ZNF462: variants seen among roughly 807,000 people sequenced by gnomAD.
The protein encoded by ZNF462 is zinc finger PBX1-interacting protein.
ZNF462 carries 10 observed loss-of-function variants against 201.9 expected under a neutral mutation model. The observed-to-expected ratio is 0.05, with a 90% CI of 0.03 to 0.08. The LOEUF is 0.08. ZNF462 is among the 10% of genes least tolerant of loss of function. The probability of loss-of-function intolerance (pLI) is 1.00; values close to 1 mark genes in which losing one functional copy is unlikely to be tolerated. For synonymous variants in ZNF462, 1,227 were observed against 1,193.3 expected (o/e 1.03, Z -0.58); for missense variants, 2,523 against 3,168.3 (o/e 0.80, Z 4.89).
In ZNF462 at chr9:106,935,915, T is replaced by C. The variant is rs956967817; in HGVS notation, c.6235+294T>C. On this transcript the variant is annotated intron_variant, in intron 6 of 12. Coordinates refer to ENST00000277225, the MANE Select transcript of ZNF462 (RefSeq NM_021224.6). The surrounding 1 kb of genome is among the most constrained non-coding windows in gnomAD (Gnocchi z 4.1). ...ACTGTTGGTGATTTTTACAGAAATTTCTAAACTGCCTATACTTTCTAATTC... is the reference window on the plus strand; with the variant it reads ...ACTGTTGGTGATTTTTACAGAAATTCCTAAACTGCCTATACTTTCTAATTC... Among the ~76,000 whole-genome samples, 9 of 152,214 alleles carry C rather than the reference T, an allele frequency of 5.9e-5. No individual in the cohort carries two copies. Among genetic ancestry groups the C allele is most frequent in the Admixed American group, 1.3e-4 (2 of 15,288 alleles).
intron 6 of ZNF462, among the ~76,000 whole-genome samples, chr9:106,937,604 C>T (rs934699419): frequency 6.6e-6 from 1 of 152,144 alleles, no homozygotes; most frequent in Admixed American, 6.5e-5. Context: ...CATTCATAAT[C>T]TTGTTATCTA....
chr9:106,973,948 A>G (rs761867488), intron 8 of ZNF462, among the ~76,000 whole-genome samples, 189 bp from the exon 9 acceptor site: 34 of 151,896 alleles, frequency 2.2e-4, no homozygotes, highest in Non-Finnish European at 4.1e-4. Context: ...CTACCATTTG[A>G]CAGTGTTCAG....
chr9:106,935,767 A>G lies in ZNF462; in HGVS notation c.6235+146A>G. 1 of 582,122 alleles carries G rather than the reference A, an allele frequency of 1.7e-6. No homozygotes were observed. Among genetic ancestry groups the G allele is most frequent in the Non-Finnish European group, 2.8e-6 (1 of 360,002 alleles). The allele number at this position is 582,122 out of a possible 1,614,324, so 36.1% of individuals were successfully genotyped here. A position where few individuals can be genotyped will look rare whatever the true frequency, so the allele number is the denominator to read the frequency against. On this transcript the variant is annotated intron_variant, in intron 6 of 12. Transcript: ENST00000277225. The surrounding 1 kb of genome is among the most constrained non-coding windows in gnomAD (Gnocchi z 4.1). ...TGTATATTCAGTTTTATTTTTACCT[A>G]GTAAAGAAAAAATAAAGAAAAAAGT...
chr9:106,923,963 G>A lies in ZNF462; in HGVS notation c.221-170G>A, dbSNP rs375430148. Among the ~76,000 whole-genome samples, 55 of 152,298 alleles carry A rather than the reference G, an allele frequency of 3.6e-4. No homozygotes were observed. The South Asian group carries it at 0.011, about 29-fold the overall frequency. On this transcript the variant is annotated intron_variant, in intron 2 of 12. Transcript: ENST00000277225. This position sits in a 1 kb window ranked among gnomAD's most constrained non-coding sequence, Gnocchi z 5.6. ...CTTTATCCATGAGAAGGTGCAGTAC[G>A]TATATCTTCATTGATGCTTTGTGAA...
Position 106,978,067 on chromosome 9 carries a change from G to A in ZNF462, c.6832+3794G>A, listed in dbSNP as rs535587024. ...ATCTTCATATGGGCTTTTTCTCTAT[G>A]TGTATCTCTTTGTGCCCTCTTTTCT... On this transcript the variant is annotated intron_variant, in intron 9 of 12. Coordinates refer to ENST00000277225, the MANE Select transcript of ZNF462 (RefSeq NM_021224.6). The surrounding 1 kb of genome is among the most constrained non-coding windows in gnomAD (Gnocchi z 4.1). Among the ~76,000 whole-genome samples, 2 of 151,418 alleles carry A rather than the reference G, an allele frequency of 1.3e-5. No homozygotes were observed. The highest frequency in any genetic ancestry group is 6.6e-5 in the Admixed American group (1 of 15,260).
At chr9:106,893,641 G>T (rs1828686159) in intron 1 of ZNF462, among the ~76,000 whole-genome samples, 1 of 152,196 alleles carries the variant, frequency 6.6e-6, no homozygotes, top group South Asian at 2.1e-4. Flanking sequence ...GATGGAGAGG[G>T]AAAGGGGTAA....
rs79529121 is a variant in ZNF462 at position 106,880,567 on chromosome 9, A to C, written c.-31+17212A>C. ...TGTTTGTTTATGTTAAGTAGCTCTAAATTTCAGTGATCCTGCCTTTCTGGT... is the reference window on the plus strand; with the variant it reads ...TGTTTGTTTATGTTAAGTAGCTCTACATTTCAGTGATCCTGCCTTTCTGGT... On this transcript the variant is annotated intron_variant, in intron 1 of 12. Transcript: ENST00000277225. This position sits in a 1 kb window ranked among gnomAD's most constrained non-coding sequence, Gnocchi z 4.1. Among the ~76,000 whole-genome samples the C allele has an allele frequency of 0.015, 2,234 of 152,302 alleles. 53 individuals are homozygous for C. Among genetic ancestry groups the C allele is most frequent in the African/African-American group, 0.051 (2,128 of 41,548 alleles).
At chr9:106,900,203 CGTGTGTGTGTGTGTGTGTGTGTGTGTGT>C (rs3056258) in intron 1 of ZNF462, among the ~76,000 whole-genome samples, 3 of 134,652 alleles carry the variant, frequency 2.2e-5, no homozygotes, top group Non-Finnish European at 4.8e-5. Flanking sequence ...AGTATTCCAT[CGTGTGTGTGTGTGTGTGTGTGTGTGTGT>C]GTGTGTGTGT....
chr9:106,914,143 A>G lies in ZNF462; in HGVS notation c.-30-9211A>G, dbSNP rs374834106. Among the ~76,000 whole-genome samples the G allele has an allele frequency of 2.5e-3, 377 of 150,184 alleles. 8 individuals carry two copies. The highest frequency in any genetic ancestry group is 8.7e-3 in the African/African-American group (360 of 41,300). On this transcript the variant is annotated intron_variant, in intron 1 of 12. Transcript: ENST00000277225. ...GGCTGCTAAGATCATTTAGAACCAC[A>G]CAATTCTAAAATCTTGGACCTGGGC...
chr9:106,862,423 C>G (rs1173239721), upstream of ZNF462, among the ~76,000 whole-genome samples: 1 of 152,120 alleles, frequency 6.6e-6, no homozygotes, highest in Non-Finnish European at 1.5e-5. This position sits in a 1 kb window ranked among gnomAD's most constrained non-coding sequence, Gnocchi z 4.2. Context: ...CCAGGGCTGC[C>G]GGGCGCCACC....
Position 106,926,213 on chromosome 9 carries a change from G to A in ZNF462, c.2301G>A (p.Glu767=). The change falls in exon 3 of 13, where the codon GAG becomes GAA. Residue 767 remains glutamate (E), a synonymous_variant. Transcript: ENST00000277225. This position sits in a 1 kb window ranked among gnomAD's most constrained non-coding sequence, Gnocchi z 7.9. ...AQQIWVRDTS[E]PQKEPNFRNI... is the part of the protein sequence containing the mutation. Reference sequence around the variant, plus strand: ...AGATATGGGTAAGAGATACCAGTGAGCCCCAGAAAGAGCCCAACTTCAGAA... The same window carrying A: ...AGATATGGGTAAGAGATACCAGTGAACCCCAGAAAGAGCCCAACTTCAGAA... The A allele has an allele frequency of 6.2e-7, 1 of 1,614,188 alleles. No individual in the cohort carries two copies. Among genetic ancestry groups the A allele is most frequent in the Non-Finnish European group, 8.5e-7 (1 of 1,180,026 alleles).
Position 106,938,414 on chromosome 9 carries a change from A to AG in ZNF462, c.6236-500dup, listed in dbSNP as rs1163323021. ...GGGATGAGAATGTGTATAGTTAGCA[A>AG]GGAAGTACAGAATAGAATAGCACAA... On this transcript the variant is annotated intron_variant, in intron 6 of 12. Coordinates refer to ENST00000277225, the MANE Select transcript of ZNF462 (RefSeq NM_021224.6). This position sits in a 1 kb window ranked among gnomAD's most constrained non-coding sequence, Gnocchi z 4.4. Among the ~76,000 whole-genome samples, 1 of 152,230 alleles carries AG rather than the reference A, an allele frequency of 6.6e-6. No individual in the cohort carries two copies. The highest frequency in any genetic ancestry group is 1.5e-5 in the Non-Finnish European group (1 of 68,040).
At chr9:106,922,510 A>T (rs1340058825) in intron 1 of ZNF462, among the ~76,000 whole-genome samples, 5 of 152,218 alleles carry the variant, frequency 3.3e-5, no homozygotes, top group Admixed American at 6.5e-5. Flanking sequence ...GGAAAAAGGT[A>T]AAGTCATGAC....
At chr9:106,864,677 C>T (rs1288339123) in intron 1 of ZNF462, among the ~76,000 whole-genome samples, 3 of 151,388 alleles carry the variant, frequency 2.0e-5, no homozygotes, top group African/African-American at 7.3e-5. Flanking sequence ...TTTTATATTC[C>T]TCCCCAACCA....
rs199737173 is a variant in ZNF462 at position 106,928,739 on chromosome 9, C to T, written c.4827C>T (p.Ser1609=). The stretch of plus-strand genomic sequence containing the variant: ...ATCAGCCTGAATTTGATGTCTTTTC[C>T]CAGTCGCCCCCGAAGCTGCCAGTCC... The part of the protein sequence containing the change: ...YHNQPEFDVF[S]QSPPKLPVPL... The change falls in exon 3 of 13, where the codon TCC becomes TCT. Residue 1609 remains serine, a synonymous_variant. Transcript: ENST00000277225. The surrounding 1 kb of genome is among the most constrained non-coding windows in gnomAD (Gnocchi z 9.3). The T allele has an allele frequency of 4.4e-5, 71 of 1,614,086 alleles. No individual in the cohort carries two copies. In the African/African-American group the frequency reaches 4.9e-4, roughly 11 times the overall value.
chr9:106,905,679 G>A lies in ZNF462; in HGVS notation c.-30-17675G>A, dbSNP rs370413758. Among the ~76,000 whole-genome samples the A allele has an allele frequency of 1.3e-4, 20 of 152,154 alleles. No individual in the cohort carries two copies. Among genetic ancestry groups the A allele is most frequent in the African/African-American group, 3.9e-4 (16 of 41,506 alleles). ...GGATTATGGCTGCCTCTGCTGAGTC[G>A]TACAGGTTGTCAGGGAAGTGGGGGA... On this transcript the variant is annotated intron_variant, in intron 1 of 12. Transcript: ENST00000277225. The surrounding 1 kb of genome is among the most constrained non-coding windows in gnomAD (Gnocchi z 5.9).
At chr9:106,947,617 C>G (rs1329493796) in intron 7 of ZNF462, among the ~76,000 whole-genome samples, 1 of 152,162 alleles carries the variant, frequency 6.6e-6, no homozygotes, top group Non-Finnish European at 1.5e-5. Context: ...AATATGTCAT[C>G]TGCTTTAATA....
At chr9:106,894,512 A>G (rs1828728223) in intron 1 of ZNF462, among the ~76,000 whole-genome samples, 1 of 152,260 alleles carries the variant, frequency 6.6e-6, no homozygotes, top group South Asian at 2.1e-4. Flanking sequence ...TGTAAGCATG[A>G]CAACAGATGT....
intron 1 of ZNF462, among the ~76,000 whole-genome samples, chr9:106,909,521 TGAA>T (rs1487050005): frequency 6.6e-6 from 1 of 152,206 alleles, no homozygotes; most frequent in African/African-American, 2.4e-5. Flanking sequence ...GGTTGTATTT[TGAA>T]GAAAAGTTAC....
Sources: allele counts gnomAD v4.1 joint callset (sites outside exome capture counted in the v4.1 genomes callset), GRCh38; gene constraint gnomAD v4.1.1; non-coding constraint Gnocchi (gnomAD v3.1); transcripts MANE v1.5; gene names NCBI Gene and HGNC (gene_info 2026-07-23, HGNC 2026-07-21).